Variants in BICC1 observed in about 807,000 individuals in gnomAD.
BICC1 encodes the protein protein bicaudal C homolog 1.
In BICC1, 43 loss-of-function variants were observed where a neutral mutation model predicts 111.0. The observed-to-expected ratio is 0.39, with a 90% CI of 0.30 to 0.50. The LOEUF (loss-of-function observed/expected upper bound fraction) is 0.50, where lower values mean the gene tolerates loss of function less well. BICC1 is among the 20% of genes least tolerant of loss of function. BICC1 has a pLI of 0.88. For missense variants in BICC1, 1,091 were observed against 1,203.2 expected (o/e 0.91, Z 1.38); for synonymous variants, 467 against 434.4 (o/e 1.07, Z -0.93).
At chr10:58,586,632 A>T (rs1035466200) in intron 1 of BICC1, among the ~76,000 whole-genome samples, 5 of 8,330 alleles carry the variant, frequency 6.0e-4, no homozygotes, top group African/African-American at 1.3e-3. Flanking sequence ...AAAAAAAAAA[A>T]CAAAAAAAAA....
chr10:58,669,875 CG>C lies in BICC1; in HGVS notation c.238-32197del, dbSNP rs550570653. Among the ~76,000 whole-genome samples, 297 of 152,138 alleles carry C rather than the reference CG, an allele frequency of 2.0e-3. 3 individuals carry two copies. The highest frequency in any genetic ancestry group is 0.018 in the East Asian group (91 of 5,186). ...TTGGGCTTTTGATAATGATTTCAAA[CG>C]GCATTAAAATTCTTTGTCATTGCAT... On this transcript the variant is annotated intron_variant, in intron 2 of 20. Transcript: ENST00000373886.
chr10:58,655,351 T>G (rs1305259998), intron 2 of BICC1, among the ~76,000 whole-genome samples: 220 of 136,702 alleles, frequency 1.6e-3, no homozygotes, highest in African/African-American at 5.1e-3. Flanking sequence ...TATCCTCTTT[T>G]ATTTCATTGA....
intron 1 of BICC1, among the ~76,000 whole-genome samples, chr10:58,596,238 G>T (rs1471662157): frequency 6.6e-6 from 1 of 152,048 alleles, no homozygotes; most frequent in African/African-American, 2.4e-5. Flanking sequence ...TTTGCCCCTG[G>T]GATGCAAGGC....
intron 3 of BICC1, among the ~76,000 whole-genome samples, chr10:58,768,896 G>A (rs556374895): frequency 6.6e-6 from 1 of 151,994 alleles, no homozygotes; most frequent in East Asian, 1.9e-4. Flanking sequence ...CAAAACAACT[G>A]CAAAACAATC....
At chr10:58,656,966 T>C (rs931950512) in intron 2 of BICC1, among the ~76,000 whole-genome samples, 1 of 152,166 alleles carries the variant, frequency 6.6e-6, no homozygotes, top group African/African-American at 2.4e-5. Context: ...TATTAGGAGA[T>C]TGACAGTGAC....
chr10:58,702,050 T>C (rs1840254322), intron 2 of BICC1, 24 bp from the exon 3 acceptor site: 2 of 1,580,028 alleles, frequency 1.3e-6, no homozygotes, highest in Non-Finnish European at 1.7e-6. Context: ...ATTGAGTCAA[T>C]ATTTCTCTCA....
chr10:58,530,332 G>A (rs955640124), intron 1 of BICC1, among the ~76,000 whole-genome samples: 4 of 151,672 alleles, frequency 2.6e-5, no homozygotes, highest in Non-Finnish European at 4.4e-5. Context: ...CTTCTGGTGA[G>A]GCCCAGAAGC....
chr10:58,699,117 A>G (rs551253415), intron 2 of BICC1, among the ~76,000 whole-genome samples: 18 of 152,288 alleles, frequency 1.2e-4, no homozygotes, highest in Admixed American at 1.1e-3. Context: ...ATTACTGGCA[A>G]TTTGTTTTCT....
At chr10:58,611,695 G>A (rs1014373138) in intron 1 of BICC1, among the ~76,000 whole-genome samples, 1 of 151,740 alleles carries the variant, frequency 6.6e-6, no homozygotes, top group Admixed American at 6.6e-5. Flanking sequence ...TCACCATGCT[G>A]CGTAGGCTGG....
At position 58,798,360 on chromosome 10, in the gene BICC1, A is replaced by C. The variant is rs77318593; in HGVS notation, c.1367-39A>C. Reference sequence around the variant, plus strand: ...GTGCCATCTCTATTTTAAAATCTTAAATTTATGTGAATTGACTTTATATAT... The same window carrying C: ...GTGCCATCTCTATTTTAAAATCTTACATTTATGTGAATTGACTTTATATAT... On this transcript the variant is annotated intron_variant, in intron 10 of 20. Coordinates refer to ENST00000373886, the MANE Select transcript of BICC1 (RefSeq NM_001080512.3). 2.4e-5 allele frequency: 35 copies of C among 1,464,792 alleles called. No individual in the cohort carries two copies. In the East Asian group the frequency reaches 8.5e-4, roughly 35 times the overall value. The allele number at this position is 1,464,792 out of a possible 1,614,324, so 90.7% of individuals were successfully genotyped here. A position where few individuals can be genotyped will look rare whatever the true frequency, so the allele number is the denominator to read the frequency against.
chr10:58,714,225 C>T (rs1246586524), intron 3 of BICC1, among the ~76,000 whole-genome samples: 4 of 152,176 alleles, frequency 2.6e-5, no homozygotes, highest in Admixed American at 1.3e-4. Flanking sequence ...ACTGGATTCC[C>T]GTTAGAACAT....
At chr10:58,621,932 AATAGAATAGAATAGAATAGAAT>A in intron 2 of BICC1, among the ~76,000 whole-genome samples, 1 of 128,690 alleles carries the variant, frequency 7.8e-6, no homozygotes, top group South Asian at 2.8e-4. Context: ...AATAGAATAG[AATAGAATAGAATAGAATAGAAT>A]AGAATAGAAT....
chr10:58,638,858 TCTTTTTTCTCTTC>T (rs1838030474), intron 2 of BICC1, among the ~76,000 whole-genome samples: 1 of 74 alleles, frequency 0.014, no homozygotes, highest in African/African-American at 0.062. Flanking sequence ...TCTTTTCTTT[TCTTTTTTCTCTTC>T]TCTTTTTTCT....
chr10:58,686,496 G>T (rs1839731018), intron 2 of BICC1, among the ~76,000 whole-genome samples: 1 of 152,098 alleles, frequency 6.6e-6, no homozygotes, highest in South Asian at 2.1e-4. Context: ...TCACTTTCAG[G>T]TACACCAGTC....
At chr10:58,560,437 C>T (rs900234956) in intron 1 of BICC1, among the ~76,000 whole-genome samples, 23 of 146,950 alleles carry the variant, frequency 1.6e-4, no homozygotes, top group South Asian at 2.2e-4. Context: ...TTTGTTTATT[C>T]GGGTATTCTC....
intron 3 of BICC1, among the ~76,000 whole-genome samples, chr10:58,744,396 T>A (rs537715144): frequency 1.3e-5 from 2 of 152,228 alleles, no homozygotes; most frequent in African/African-American, 4.8e-5. Context: ...AAGCTAATAC[T>A]TGATAAAGCC....
chr10:58,776,738 C>T (rs1214298932), intron 3 of BICC1, among the ~76,000 whole-genome samples: 3 of 152,178 alleles, frequency 2.0e-5, no homozygotes, highest in South Asian at 2.1e-4. Flanking sequence ...TAGCACTACC[C>T]ATGCTTTCTG....
chr10:58,594,255 G>A (rs142166311), intron 1 of BICC1, among the ~76,000 whole-genome samples: 157 of 152,258 alleles, frequency 1.0e-3, no homozygotes, highest in African/African-American at 3.6e-3. Context: ...TTTGATTGGT[G>A]TACCTGAAAG....
At chr10:58,631,415 G>A (rs1053215624) in intron 2 of BICC1, among the ~76,000 whole-genome samples, 3 of 151,714 alleles carry the variant, frequency 2.0e-5, no homozygotes, top group African/African-American at 7.3e-5. Flanking sequence ...AAATTCATTG[G>A]ATGTAAATTT....
Sources: allele counts gnomAD v4.1 joint callset (sites outside exome capture counted in the v4.1 genomes callset), GRCh38; gene constraint gnomAD v4.1.1; transcripts MANE v1.5; gene names NCBI Gene and HGNC (gene_info 2026-07-23, HGNC 2026-07-21).